The following MIA2 variants were observed in gnomAD, a reference collection of about 807,000 sequenced individuals.
MIA2 encodes MIA SH3 domain ER export factor 2.
In MIA2, 127 loss-of-function variants were observed where a neutral mutation model predicts 167.8. That is an observed-to-expected ratio of 0.76 (90% CI 0.66 to 0.88). MIA2 has a LOEUF of 0.88. Ranked by LOEUF, MIA2 falls within the 40% of genes least tolerant of loss-of-function variation. The pLI is 0.00. For synonymous variants in MIA2, 552 were observed against 541.9 expected (o/e 1.02, Z -0.26); for missense variants, 1,690 against 1,624.7 (o/e 1.04, Z -0.69).
chr14:39,367,575 T>C (rs1395491073), intron 23 of MIA2, among the ~76,000 whole-genome samples: 1 of 152,216 alleles, frequency 6.6e-6, no homozygotes, highest in Non-Finnish European at 1.5e-5. Context: ...CCCTCACCCT[T>C]TTCCTACACT....
chr14:39,293,547 A>G (rs2061012367), intron 11 of MIA2, among the ~76,000 whole-genome samples, 166 bp downstream of exon 11: 1 of 152,190 alleles, frequency 6.6e-6, no homozygotes, highest in South Asian at 2.1e-4. Flanking sequence ...CTTCCCCCAG[A>G]TGTTACTGTG....
chr14:39,323,170 A>G (rs2066792654), intron 24 of MIA2, among the ~76,000 whole-genome samples: 1 of 152,134 alleles, frequency 6.6e-6, no homozygotes, highest in African/African-American at 2.4e-5. Flanking sequence ...CCCTTTGCCC[A>G]TATCCTGTTT....
intron 1 of MIA2, 66 bp downstream of exon 1, chr14:39,234,295 T>C: frequency 2.0e-6 from 2 of 982,800 alleles, no homozygotes; most frequent in Non-Finnish European, 3.1e-6. Flanking sequence ...AAAATCTTAT[T>C]GTGGTCACGC....
chr14:39,293,414 AAAAG>A (rs752533771), intron 11 of MIA2, 33 bp downstream of exon 11: 14 of 1,344,420 alleles, frequency 1.0e-5, no homozygotes, highest in East Asian at 2.3e-5. Flanking sequence ...GAATATAAGA[AAAAG>A]AAAGTTACTG....
At chr14:39,329,386 C>T (rs902077842) in intron 25 of MIA2, among the ~76,000 whole-genome samples, 5 of 152,148 alleles carry the variant, frequency 3.3e-5, no homozygotes, top group Non-Finnish European at 7.3e-5. Context: ...TCTAAATATA[C>T]AATCATGTCA....
At chr14:39,300,394 T>C (rs1481125678) in intron 14 of MIA2, among the ~76,000 whole-genome samples, 2 of 152,272 alleles carry the variant, frequency 1.3e-5, no homozygotes, top group Admixed American at 1.3e-4. Flanking sequence ...AGGAATACTT[T>C]TAAAAAATAA....
chr14:39,309,071 C>G (rs890624025), intron 18 of MIA2, among the ~76,000 whole-genome samples: 1 of 152,184 alleles, frequency 6.6e-6, no homozygotes, highest in African/African-American at 2.4e-5. Context: ...CCTATTTATT[C>G]TGTCATTAAA....
chr14:39,237,160 G>T (rs533709340), intron 2 of MIA2, 105 bp downstream of exon 2: 4 of 1,272,904 alleles, frequency 3.1e-6, no homozygotes, highest in Non-Finnish European at 4.4e-6. Flanking sequence ...TGGCTCTGTC[G>T]CCCAGGCTGG....
chr14:39,359,860 G>A (rs142605044), intron 23 of MIA2, among the ~76,000 whole-genome samples: 1 of 152,270 alleles, frequency 6.6e-6, no homozygotes, highest in Admixed American at 6.5e-5. Flanking sequence ...TAATGGCATT[G>A]CAGGATCATA....
intron 12 of MIA2, among the ~76,000 whole-genome samples, chr14:39,294,618 CAAAA>C (rs1199004413): frequency 6.6e-6 from 1 of 151,684 alleles, no homozygotes; most frequent in African/African-American, 2.4e-5. Flanking sequence ...CATTAATAGA[CAAAA>C]AAGTCCCCAG....
At chr14:39,353,188 TATG>T (rs1194192947), downstream of MIA2, among the ~76,000 whole-genome samples, 4 of 152,236 alleles carry the variant, frequency 2.6e-5, no homozygotes, top group Non-Finnish European at 4.4e-5. Flanking sequence ...TTTCTGTACA[TATG>T]ATTATCATTT....
At chr14:39,256,822 T>C (rs1031272288) in intron 6 of MIA2, among the ~76,000 whole-genome samples, 2 of 152,092 alleles carry the variant, frequency 1.3e-5, no homozygotes, top group African/African-American at 2.4e-5. Context: ...AAGAATAGAA[T>C]TTCCAGAAGG....
chr14:39,245,081 C>CTTTTTTTTTTTTTTTT (rs10683715), intron 3 of MIA2, among the ~76,000 whole-genome samples: 2 of 119,716 alleles, frequency 1.7e-5, no homozygotes, highest in Non-Finnish European at 3.3e-5. Context: ...CCTAGCTAAC[C>CTTTTTTTTTTTTTTTT]TTTTTTTTTT....
chr14:39,239,986 G>T (rs2053965504), intron 2 of MIA2, among the ~76,000 whole-genome samples: 1 of 152,114 alleles, frequency 6.6e-6, no homozygotes, highest in African/African-American at 2.4e-5. Flanking sequence ...TTCACCCTTG[G>T]GGCACAATCT....
intron 9 of MIA2, among the ~76,000 whole-genome samples, chr14:39,283,283 C>G (rs1566716418): frequency 6.6e-6 from 1 of 152,136 alleles, no homozygotes; most frequent in Non-Finnish European, 1.5e-5. Context: ...TATAGTAGCT[C>G]TATTTTAAAT....
At chr14:39,240,710 C>A in intron 3 of MIA2, 63 bp downstream of exon 3, 1 of 1,208,096 alleles carries the variant, frequency 8.3e-7, no homozygotes, top group East Asian at 2.4e-5. Context: ...ACAGTTTTCC[C>A]AGGTATCAGT....
At position 39,287,365 on chromosome 14, in the gene MIA2, G is replaced by T. The variant is rs368352786; in HGVS notation, c.2131-3654G>T. Among the ~76,000 whole-genome samples, 14 of 150,986 alleles carry T rather than the reference G, an allele frequency of 9.3e-5. No individual in the cohort carries two copies. The South Asian group carries it at 2.7e-3, about 29-fold the overall frequency. On this transcript the variant is annotated intron_variant, in intron 9 of 28. Transcript: ENST00000640607. The stretch of plus-strand genomic sequence containing the variant: ...GCTGGGATTACAGGTGTGAGCCACC[G>T]CACCCAGCCCTTCCAGTACTGTTTT...
At chr14:39,345,524 T>C (rs2073050835) in intron 25 of MIA2, among the ~76,000 whole-genome samples, 1 of 152,202 alleles carries the variant, frequency 6.6e-6, no homozygotes, top group African/African-American at 2.4e-5. Context: ...ACGTTTTTTC[T>C]CTTTACTTTT....
At chr14:39,352,782 C>G (rs1050789679), downstream of MIA2, among the ~76,000 whole-genome samples, 3 of 152,086 alleles carry the variant, frequency 2.0e-5, no homozygotes, top group African/African-American at 7.2e-5. Context: ...ATGTTGTACA[C>G]AGAATGATAT....
Sources: allele counts gnomAD v4.1 joint callset (sites outside exome capture counted in the v4.1 genomes callset), GRCh38; gene constraint gnomAD v4.1.1; transcripts MANE v1.5; gene names NCBI Gene and HGNC (gene_info 2026-07-23, HGNC 2026-07-21).